Variants in RALY observed in about 807,000 individuals in gnomAD.
RALY encodes the protein RALY heterogeneous nuclear ribonucleoprotein.
Under a neutral mutation model 30.7 loss-of-function variants are expected in RALY, and 15 were observed. The observed-to-expected ratio is 0.49, with a 90% CI of 0.33 to 0.75. The LOEUF (loss-of-function observed/expected upper bound fraction) is 0.75. Among genes scored for constraint, RALY ranks in the 30% least tolerant of loss-of-function variants. RALY has a pLI of 0.02. For synonymous variants in RALY, 177 were observed against 170.8 expected, an observed-to-expected ratio of 1.04 and a Z score of -0.28; for missense variants, 339 against 414.3, an observed-to-expected ratio of 0.82 and a Z score of 1.58.
At chr20:34,035,479 A>G (rs977007003) in intron 2 of RALY, among the ~76,000 whole-genome samples, 39 of 152,222 alleles carry the variant, frequency 2.6e-4, no homozygotes, top group African/African-American at 9.4e-4. Flanking sequence ...AGTGATCAGA[A>G]GAGCTAAGCT....
chr20:34,082,393 C>T lies in RALY; in HGVS notation c.*2488C>T, dbSNP rs2122356876. 6.6e-6 allele frequency: 1 copy of T among 152,326 alleles called. No homozygotes were observed. The highest frequency in any genetic ancestry group is 6.5e-5 in the Admixed American group (1 of 15,302). 9.4% of individuals were successfully genotyped at this position (152,326 alleles called of 1,614,324 possible). A position where few individuals can be genotyped will look rare whatever the true frequency, so the allele number is the denominator to read the frequency against. Reference sequence around the variant, plus strand: ...TAGCACTAGGCACTGCCCCCAGAGCCTAGTGCTATATGCCTGCTGCAGGTC... The same window carrying T: ...TAGCACTAGGCACTGCCCCCAGAGCTTAGTGCTATATGCCTGCTGCAGGTC... On this transcript the variant is annotated 3_prime_UTR_variant, in exon 10 of 10. Transcript: ENST00000246194.
intron 2 of RALY, among the ~76,000 whole-genome samples, chr20:34,046,445 T>C (rs1453504951): frequency 6.6e-6 from 1 of 152,200 alleles, no homozygotes; most frequent in Non-Finnish European, 1.5e-5. Context: ...AGGTATTGTA[T>C]GTGTACATAC....
intron 1 of RALY, among the ~76,000 whole-genome samples, chr20:33,996,765 T>C (rs2030652387): frequency 6.6e-6 from 1 of 152,150 alleles, no homozygotes; most frequent in African/African-American, 2.4e-5. Context: ...TGAAATTCTG[T>C]ACCCATTAAA....
intron 2 of RALY, among the ~76,000 whole-genome samples, chr20:34,065,398 G>T (rs1371751477): frequency 1.3e-5 from 2 of 152,006 alleles, no homozygotes; most frequent in South Asian, 2.1e-4. Flanking sequence ...CAGAGCCAAG[G>T]CCAAGCCTTC....
intron 1 of RALY, among the ~76,000 whole-genome samples, chr20:34,015,652 A>G (rs531344645): frequency 1.3e-4 from 20 of 152,160 alleles, no homozygotes; most frequent in African/African-American, 4.8e-4. Flanking sequence ...GTAGTTGTCA[A>G]AATGTCAATT....
At chr20:34,063,242 A>G (rs2033467639) in intron 2 of RALY, among the ~76,000 whole-genome samples, 1 of 152,228 alleles carries the variant, frequency 6.6e-6, no homozygotes, top group Admixed American at 6.5e-5. Flanking sequence ...GGTTATCATG[A>G]TCACATGTTT....
chr20:34,065,645 C>G (rs1000331448), intron 2 of RALY, among the ~76,000 whole-genome samples: 1 of 152,174 alleles, frequency 6.6e-6, no homozygotes, highest in Non-Finnish European at 1.5e-5. Flanking sequence ...AAAGCAGGAG[C>G]CTCTGGACCA....
intron 2 of RALY, among the ~76,000 whole-genome samples, chr20:34,062,189 TG>T (rs921214475): frequency 2.6e-4 from 39 of 152,194 alleles, no homozygotes; most frequent in African/African-American, 8.9e-4. Flanking sequence ...TAGATAGGCC[TG>T]GCATATAATG....
intron 2 of RALY, among the ~76,000 whole-genome samples, chr20:34,061,860 A>G (rs2033427061): frequency 6.6e-6 from 1 of 152,200 alleles, no homozygotes; most frequent in African/African-American, 2.4e-5. Flanking sequence ...GTTCTGTGTA[A>G]GGAGCCTGTT....
chr20:34,014,282 A>G (rs1342195298), intron 1 of RALY, among the ~76,000 whole-genome samples: 3 of 152,320 alleles, frequency 2.0e-5, no homozygotes, highest in Admixed American at 6.5e-5. Context: ...AGTTGGATTC[A>G]GGGAAATGGG....
At chr20:34,019,330 AG>A (rs966785076) in intron 1 of RALY, among the ~76,000 whole-genome samples, 7 of 151,730 alleles carry the variant, frequency 4.6e-5, no homozygotes, top group African/African-American at 1.7e-4. Context: ...CTGTCTCAAA[AG>A]AAAAAAAAAA....
chr20:34,069,534 C>G (rs367756437), intron 2 of RALY, among the ~76,000 whole-genome samples: 16 of 152,312 alleles, frequency 1.1e-4, no homozygotes, highest in East Asian at 9.7e-4. Context: ...AACTATAGCA[C>G]TTTGAGCTGA....
chr20:34,041,686 G>A (rs1313643207), intron 2 of RALY, among the ~76,000 whole-genome samples: 1 of 152,150 alleles, frequency 6.6e-6, no homozygotes, highest in Admixed American at 6.5e-5. Context: ...TTTTGTTTCT[G>A]TATTTTCCCC....
At chr20:34,012,928 CT>C (rs1306300530) in intron 1 of RALY, among the ~76,000 whole-genome samples, 1 of 152,202 alleles carries the variant, frequency 6.6e-6, no homozygotes, top group Non-Finnish European at 1.5e-5. Context: ...TACAGTTTGA[CT>C]TACTGATTTT....
At chr20:33,999,360 G>A (rs1243094602) in intron 1 of RALY, among the ~76,000 whole-genome samples, 2 of 152,106 alleles carry the variant, frequency 1.3e-5, no homozygotes, top group African/African-American at 4.8e-5. Context: ...CTCTGGTTAT[G>A]GATTCTAGTT....
intron 2 of RALY, among the ~76,000 whole-genome samples, chr20:34,045,616 C>T (rs1329306930): frequency 1.3e-5 from 2 of 152,218 alleles, no homozygotes; most frequent in Non-Finnish European, 2.9e-5. Context: ...TTCAGGCTCC[C>T]TTCCTTTGCT....
At chr20:34,004,712 A>G (rs2122987718) in intron 1 of RALY, among the ~76,000 whole-genome samples, 1 of 152,364 alleles carries the variant, frequency 6.6e-6, no homozygotes, top group South Asian at 2.1e-4. Flanking sequence ...TTCAAGAAAG[A>G]AATTAATCCA....
intron 1 of RALY, among the ~76,000 whole-genome samples, chr20:34,011,347 A>G (rs759618743): frequency 5.0e-4 from 76 of 152,196 alleles, no homozygotes; most frequent in Non-Finnish European, 1.1e-3. Flanking sequence ...GCAGCTAGAA[A>G]TCTAATTTTT....
At chr20:34,004,167 T>G (rs1478315891) in intron 1 of RALY, among the ~76,000 whole-genome samples, 3 of 152,200 alleles carry the variant, frequency 2.0e-5, no homozygotes, top group Non-Finnish European at 4.4e-5. Flanking sequence ...GATTGCTTCC[T>G]TTGTACATGG....
Sources: allele counts gnomAD v4.1 joint callset (sites outside exome capture counted in the v4.1 genomes callset), GRCh38; gene constraint gnomAD v4.1.1; transcripts MANE v1.5; gene names NCBI Gene and HGNC (gene_info 2026-07-23, HGNC 2026-07-21).